Variants in LNX1 observed in about 807,000 individuals in gnomAD.
LNX1 encodes the protein ligand of numb-protein X 1.
A neutral mutation model predicts 68.4 loss-of-function variants in LNX1; 54 were observed. That is an observed-to-expected ratio of 0.79 (90% CI 0.63 to 0.99). The LOEUF (loss-of-function observed/expected upper bound fraction) is 0.99. Among genes scored for constraint, LNX1 ranks in the 50% least tolerant of loss-of-function variants. LNX1 has a pLI of 0.00. For missense variants in LNX1, 906 were observed against 926.4 expected (o/e 0.98, Z 0.29); for synonymous variants, 336 against 350.0 (o/e 0.96, Z 0.45).
At chr4:53,527,217 C>A (rs184107290) in intron 2 of LNX1, among the ~76,000 whole-genome samples, 1 of 152,272 alleles carries the variant, frequency 6.6e-6, no homozygotes, top group African/African-American at 2.4e-5. Context: ...ATATGAATTT[C>A]AATGAACAGA....
At chr4:53,567,823 G>A (rs1331243527) in intron 2 of LNX1, among the ~76,000 whole-genome samples, 17 of 151,916 alleles carry the variant, frequency 1.1e-4, no homozygotes, top group Admixed American at 2.6e-4. Flanking sequence ...TATCACCACC[G>A]ATCCCACAGA....
intron 1 of LNX1, among the ~76,000 whole-genome samples, chr4:53,643,991 C>T (rs995687946): frequency 6.6e-6 from 1 of 152,130 alleles, no homozygotes; most frequent in African/African-American, 2.4e-5. Context: ...TATTAGTCTA[C>T]AAAATTATTT....
intron 1 of LNX1, among the ~76,000 whole-genome samples, chr4:53,580,296 C>A (rs1682831037): frequency 6.6e-6 from 1 of 152,170 alleles, no homozygotes; most frequent in African/African-American, 2.4e-5. Flanking sequence ...GAAGACAGAT[C>A]CCATGTTCTC....
intron 1 of LNX1, among the ~76,000 whole-genome samples, chr4:53,583,205 G>A (rs1560680584): frequency 6.6e-6 from 1 of 152,206 alleles, no homozygotes; most frequent in African/African-American, 2.4e-5. Flanking sequence ...AGGATGGGCA[G>A]TGTTCTGTGG....
At chr4:53,501,281 CTT>C (rs11401056) in intron 4 of LNX1, among the ~76,000 whole-genome samples, 20,520 of 63,276 alleles carry the variant, frequency 0.32, 2,609 homozygotes, top group East Asian at 0.44. Context: ...TGATAATAAT[CTT>C]TTTTTTTTTT....
intron 2 of LNX1, chr4:53,557,825 A>G (rs770023997): frequency 6.2e-7 from 1 of 1,609,856 alleles, no homozygotes; most frequent in Non-Finnish European, 8.5e-7. Flanking sequence ...TCCCACCCCC[A>G]ACATACTAGG....
At chr4:53,518,427 C>T (rs1242223226) in intron 2 of LNX1, among the ~76,000 whole-genome samples, 2 of 152,140 alleles carry the variant, frequency 1.3e-5, no homozygotes, top group African/African-American at 2.4e-5. Context: ...TTTTTCCTAT[C>T]GGTTTACAGA....
intron 2 of LNX1, among the ~76,000 whole-genome samples, chr4:53,607,749 G>A (rs1733291053): frequency 6.6e-6 from 1 of 152,176 alleles, no homozygotes; most frequent in African/African-American, 2.4e-5. Context: ...TAGCCAAACA[G>A]CATGGTACTG....
At chr4:53,637,601 A>G (rs750695) in intron 1 of LNX1, among the ~76,000 whole-genome samples, 65,147 of 151,924 alleles carry the variant, frequency 0.43, 14,800 homozygotes, top group East Asian at 0.58. Context: ...TCATTACTAC[A>G]GAATTTCATC....
At chr4:53,530,859 A>G (rs1237618522) in intron 2 of LNX1, among the ~76,000 whole-genome samples, 1 of 152,214 alleles carries the variant, frequency 6.6e-6, no homozygotes, top group Non-Finnish European at 1.5e-5. Flanking sequence ...GAGGGGGTAC[A>G]GGGAATTAAA....
chr4:53,557,167 G>T (rs1317615692), intron 2 of LNX1, among the ~76,000 whole-genome samples: 1 of 152,198 alleles, frequency 6.6e-6, no homozygotes, highest in East Asian at 1.9e-4. Flanking sequence ...GCATAAAATG[G>T]ACATGTGTCA....
intron 1 of LNX1, among the ~76,000 whole-genome samples, chr4:53,651,722 A>G (rs1011476779): frequency 1.8e-4 from 28 of 152,194 alleles, no homozygotes; most frequent in Admixed American, 2.0e-4. Context: ...GTAAAACTGC[A>G]ATGCAACACC....
chr4:53,609,797 A>C (rs1733405775), intron 2 of LNX1, among the ~76,000 whole-genome samples: 2 of 145,966 alleles, frequency 1.4e-5, no homozygotes, highest in Non-Finnish European at 3.0e-5. Flanking sequence ...ATTTAAATAT[A>C]AAATATAAAT....
At chr4:53,538,681 A>C (rs1278252876) in intron 2 of LNX1, among the ~76,000 whole-genome samples, 2 of 152,220 alleles carry the variant, frequency 1.3e-5, no homozygotes, top group Non-Finnish European at 2.9e-5. Context: ...TCTATTATTC[A>C]AAAGCTGTGA....
chr4:53,527,968 C>T (rs1727744540), intron 2 of LNX1, among the ~76,000 whole-genome samples: 1 of 152,228 alleles, frequency 6.6e-6, no homozygotes, highest in African/African-American at 2.4e-5. Context: ...CATTCACCCA[C>T]AAACTAATAT....
chr4:53,526,114 A>AAC (rs1727591659), intron 2 of LNX1, among the ~76,000 whole-genome samples: 1 of 151,462 alleles, frequency 6.6e-6, no homozygotes, highest in African/African-American at 2.4e-5. Flanking sequence ...GAAAAGAAAA[A>AAC]ATATTAAAAA....
chr4:53,519,656 A>ATCTGACACTC (rs1553934430), intron 2 of LNX1, among the ~76,000 whole-genome samples: 1 of 151,440 alleles, frequency 6.6e-6, no homozygotes, highest in Non-Finnish European at 1.5e-5. Flanking sequence ...CTGTCAAGGT[A>ATCTGACACTC]TCTGACACAC....
Position 53,573,821 on chromosome 4 carries a change from C to T in LNX1, c.182G>A (p.Cys61Tyr), listed in dbSNP as rs1402948607. The T allele has an allele frequency of 1.2e-6, 2 of 1,613,466 alleles. No individual in the cohort carries two copies. The highest frequency in any genetic ancestry group is 2.2e-5 in the South Asian group (2 of 90,866). Residue 61 changes from cysteine to tyrosine, a missense_variant, in exon 2 of 11, where the codon TGC (cysteine) becomes TAC (tyrosine). Cys to Tyr is a radical substitution (Grantham distance 194, BLOSUM62 -2). Transcript: ENST00000263925. ...CAGGAAGTTGGTGAGGCAGAGGGTGCAGTAGGTGTGTCCACACGGAGTGTC... is the reference window on the plus strand; with the variant it reads ...CAGGAAGTTGGTGAGGCAGAGGGTGTAGTAGGTGTGTCCACACGGAGTGTC... ...PLDTPCGHTY[C>Y]TLCLTNFLVE...
intron 1 of LNX1, among the ~76,000 whole-genome samples, chr4:53,636,550 G>A (rs1397911114): frequency 6.6e-6 from 1 of 152,082 alleles, no homozygotes; most frequent in Non-Finnish European, 1.5e-5. Flanking sequence ...CCATAAAATG[G>A]AGATGATAAT....
Sources: gnomAD v4.1 joint callset for allele counts (sites outside exome capture counted in the v4.1 genomes callset) on GRCh38, gnomAD v4.1.1 for gene constraint, MANE v1.5 for transcripts, NCBI Gene and HGNC (gene_info 2026-07-23, HGNC 2026-07-21) for gene names.